Variants in TXNL4A observed in about 807,000 individuals in gnomAD.
TXNL4A encodes the protein thioredoxin like 4A.
A neutral mutation model predicts 14.6 loss-of-function variants in TXNL4A; 17 were observed. The observed-to-expected ratio is 1.16, with a 90% CI of 0.80 to 1.74. The LOEUF is 1.74. TXNL4A is among the 40% of genes most tolerant of loss of function. TXNL4A has a pLI of 0.00. For synonymous variants in TXNL4A, 83 were observed against 70.6 expected (o/e 1.18, Z -0.88); for missense variants, 74 against 195.2 (o/e 0.38, Z 3.70).
upstream of TXNL4A, among the ~76,000 whole-genome samples, chr18:79,991,611 G>C (rs2051628857): frequency 6.6e-6 from 1 of 152,152 alleles, no homozygotes; most frequent in South Asian, 2.1e-4. Flanking sequence ...GAACATTCAT[G>C]TACAAGCTTT....
At chr18:80,010,169 G>C (rs1230037300) in intron 1 of TXNL4A, among the ~76,000 whole-genome samples, 2 of 152,174 alleles carry the variant, frequency 1.3e-5, no homozygotes, top group African/African-American at 2.4e-5. Context: ...CAGACACAAA[G>C]GTGAAGTTGG....
chr18:79,979,872 TAA>T (rs1484430044), intron 1 of TXNL4A, among the ~76,000 whole-genome samples: 16 of 152,356 alleles, frequency 1.1e-4, no homozygotes, highest in Non-Finnish European at 2.4e-4. Context: ...AGGCTCTTTA[TAA>T]ATACTAACTC....
chr18:80,012,043 G>A (rs926293909), intron 1 of TXNL4A, among the ~76,000 whole-genome samples: 1 of 152,064 alleles, frequency 6.6e-6, no homozygotes, highest in Non-Finnish European at 1.5e-5. Context: ...GAGCTAAAGA[G>A]CTCTGGACGC....
Position 79,979,855 on chromosome 18 carries a change from A to G in TXNL4A, c.154-2154T>C, listed in dbSNP as rs1047644072. On this transcript the variant is annotated intron_variant, in intron 1 of 2. Coordinates refer to ENST00000269601, the MANE Select transcript of TXNL4A (RefSeq NM_006701.5). ...AAAATTCTGGAACAAAGGATATGAC[A>G]TTTTAAAGGCTCTTTATAAATACTA... Among the ~76,000 whole-genome samples the G allele has an allele frequency of 7.2e-5, 11 of 152,350 alleles. No homozygotes were observed. The South Asian group carries it at 1.5e-3, about 20-fold the overall frequency.
intron 1 of TXNL4A, among the ~76,000 whole-genome samples, chr18:80,003,464 G>A (rs917005817): frequency 6.6e-5 from 10 of 152,214 alleles, no homozygotes; most frequent in African/African-American, 2.2e-4. Context: ...GGAATTGTGA[G>A]TTTGGGGTCT....
rs376681431 is a variant in TXNL4A at position 80,026,444 on chromosome 18, G to A, written c.-61+7407C>T. Among the ~76,000 whole-genome samples the A allele has an allele frequency of 3.9e-5, 6 of 152,182 alleles. No individual in the cohort carries two copies. The East Asian group carries it at 9.7e-4, about 25-fold the overall frequency. ...AACTCAGGAAGACTAGGGGTGCTCC[G>A]AGAAAGTACAGGAGTTTCACGTCTC... On this transcript the variant is annotated intron_variant, in intron 1 of 2. Coordinates refer to the TXNL4A transcript ENST00000585474.
upstream of TXNL4A, among the ~76,000 whole-genome samples, chr18:79,991,243 G>A (rs530119539): frequency 2.0e-5 from 3 of 151,872 alleles, no homozygotes; most frequent in South Asian, 4.2e-4. Context: ...TTATCACCCC[G>A]AAAAGAAAAC....
intron 1 of TXNL4A, among the ~76,000 whole-genome samples, chr18:80,016,503 T>A (rs1291378577): frequency 2.0e-5 from 3 of 151,250 alleles, no homozygotes; most frequent in Non-Finnish European, 2.9e-5. Context: ...TAGGTCTAAC[T>A]TTTAAGTCTT....
intron 1 of TXNL4A, among the ~76,000 whole-genome samples, chr18:79,998,860 T>A (rs2051679775): frequency 6.6e-6 from 1 of 152,064 alleles, no homozygotes; most frequent in South Asian, 2.1e-4. Flanking sequence ...ACAAGACCCC[T>A]CATGACTGTG....
intron 1 of TXNL4A, among the ~76,000 whole-genome samples, chr18:79,995,704 C>T (rs1052502906): frequency 1.3e-5 from 2 of 152,180 alleles, no homozygotes; most frequent in Admixed American, 1.3e-4. Flanking sequence ...CCAAGTTATG[C>T]GTTTACAGTT....
In TXNL4A at chr18:80,019,900, C is replaced by A. The variant is rs574966048; in HGVS notation, c.-61+13951G>T. 2.1e-4 allele frequency among the ~76,000 whole-genome samples: 32 copies of A among 152,224 alleles called. 1 individual carries two copies. Among genetic ancestry groups the A allele is most frequent in the Middle Eastern group, 3.4e-3 (1 of 294 alleles). On this transcript the variant is annotated intron_variant, in intron 1 of 2. Transcript: ENST00000585474. The stretch of plus-strand genomic sequence containing the variant: ...TCCCATACCATGCTTTATTTATATC[C>A]ATTTTTAATGGTTAAAGGTAAAGCC...
rs985209130 is a variant in TXNL4A at position 79,972,264 on chromosome 18, C to T, written c.*1421G>A. 3 of 152,226 alleles carry T rather than the reference C, an allele frequency of 2.0e-5. No homozygotes were observed. Among genetic ancestry groups the T allele is most frequent in the African/African-American group, 2.4e-5 (1 of 41,436 alleles). The allele number at this position is 152,226 out of a possible 1,614,324, so 9.4% of individuals were successfully genotyped here. On this transcript the variant is annotated 3_prime_UTR_variant, in exon 3 of 3. Transcript: ENST00000269601. ...AGGAAACAAAGCTCAGAGAAGGTAC[C>T]CTGCCCAAGGTCACTTGGTGGGGCA... is the stretch of plus-strand genomic sequence containing the variant.
At chr18:80,029,689 T>A (rs984931407) in intron 1 of TXNL4A, among the ~76,000 whole-genome samples, 12 of 152,132 alleles carry the variant, frequency 7.9e-5, no homozygotes, top group Admixed American at 7.9e-4. Flanking sequence ...CTCCAGGCAT[T>A]TCACCTCCCC....
At chr18:80,020,714 C>A (rs1014688410) in intron 1 of TXNL4A, among the ~76,000 whole-genome samples, 6 of 151,028 alleles carry the variant, frequency 4.0e-5, no homozygotes, top group African/African-American at 1.5e-4. Flanking sequence ...GAGTTTATAG[C>A]TGATTGAGTT....
intron 1 of TXNL4A, among the ~76,000 whole-genome samples, chr18:80,023,120 T>A (rs983834623): frequency 6.6e-6 from 1 of 152,228 alleles, no homozygotes; most frequent in South Asian, 2.1e-4. Flanking sequence ...AAAATTCTTT[T>A]TTTTCTTTAA....
upstream of TXNL4A, among the ~76,000 whole-genome samples, chr18:79,990,922 G>T (rs2051623268): frequency 6.6e-6 from 1 of 151,348 alleles, no homozygotes; most frequent in African/African-American, 2.4e-5. Flanking sequence ...GGCTAACACG[G>T]TGAAACCCCG....
At chr18:80,007,662 T>G (rs1376934905) in intron 1 of TXNL4A, among the ~76,000 whole-genome samples, 1 of 151,994 alleles carries the variant, frequency 6.6e-6, no homozygotes, top group Non-Finnish European at 1.5e-5. Context: ...GTCTCTCTCT[T>G]CCCTCACCCT....
Position 80,011,213 on chromosome 18 carries a change from C to T in TXNL4A, c.-61+22638G>A, listed in dbSNP as rs1440830058. On this transcript the variant is annotated intron_variant, in intron 1 of 2. Transcript: ENST00000585474. The surrounding 1 kb of genome is among the most constrained non-coding windows in gnomAD (Gnocchi z 4.1). ...AAGAGGTTTTCGTAGGGGAGCTAAC[C>T]AGGCCCAAAACCAAGACTCGAATTT... 1.3e-5 allele frequency among the ~76,000 whole-genome samples: 2 copies of T among 152,112 alleles called. No homozygotes were observed. Among genetic ancestry groups the T allele is most frequent in the Non-Finnish European group, 2.9e-5 (2 of 68,024 alleles).
rs759054576 is a variant in TXNL4A, at chr18:79,988,435, G to A, written c.-43C>T. The A allele has an allele frequency of 1.2e-5, 17 of 1,387,964 alleles. No homozygotes were observed. The South Asian group carries it at 2.5e-4, about 20-fold the overall frequency. The allele number at this position is 1,387,964 out of a possible 1,614,324, so 86.0% of individuals were successfully genotyped here. A position where few individuals can be genotyped will look rare whatever the true frequency, so the allele number is the denominator to read the frequency against. ...CCGCCGCCCAAGGCGGGGCGCCAGGGAGGGCCCAGCGAGGTGGGCTCAGCC... is the reference window on the plus strand; with the variant it reads ...CCGCCGCCCAAGGCGGGGCGCCAGGAAGGGCCCAGCGAGGTGGGCTCAGCC... On this transcript the variant is annotated 5_prime_UTR_variant, in exon 1 of 3. Transcript: ENST00000269601.
Sources: allele counts gnomAD v4.1 joint callset (sites outside exome capture counted in the v4.1 genomes callset), GRCh38; gene constraint gnomAD v4.1.1; non-coding constraint Gnocchi (gnomAD v3.1); transcripts MANE v1.5; gene names NCBI Gene and HGNC (gene_info 2026-07-23, HGNC 2026-07-21).